Variants in PPP1R13B observed in about 807,000 individuals in gnomAD.
PPP1R13B encodes the protein protein phosphatase 1 regulatory subunit 13B, also known as apoptosis-stimulating of p53 protein 1.
A neutral mutation model predicts 119.8 loss-of-function variants in PPP1R13B; 44 were observed. The observed-to-expected ratio is 0.37, with a 90% confidence interval of 0.29 to 0.47. The LOEUF is 0.47. PPP1R13B is among the 20% of genes least tolerant of loss of function. The probability of loss-of-function intolerance (pLI) is 0.99; values close to 1 mark genes in which losing one functional copy is unlikely to be tolerated. For synonymous variants in PPP1R13B, 542 were observed against 561.5 expected (o/e 0.97, Z 0.49); for missense variants, 1,227 against 1,413.5 (o/e 0.87, Z 2.12).
intron 8 of PPP1R13B, 120 bp from the exon 9 acceptor site, chr14:103,746,673 GC>G: frequency 1.2e-6 from 1 of 832,740 alleles, no homozygotes; most frequent in Non-Finnish European, 1.8e-6. Context: ...TTTTTAGGAA[GC>G]CTGTCATCTG....
In PPP1R13B at chr14:103,819,731, GTCCCCAGAGC is replaced by G. The variant is rs2086363452; in HGVS notation, c.10-22223_10-22214del. ...AAAGCCTACCACACCTGCTGCCAAG[GTCCCCAGAGC>G]TCCCCTGTTTCTGCCCCATCTGAAG... On this transcript the variant is annotated intron_variant, in intron 1 of 16. Coordinates refer to ENST00000202556, the MANE Select transcript of PPP1R13B (RefSeq NM_015316.3). Among the ~76,000 whole-genome samples the G allele has an allele frequency of 2.7e-5, 4 of 149,098 alleles. No homozygotes were observed. In the South Asian group the frequency reaches 8.5e-4, roughly 32 times the overall value.
intron 1 of PPP1R13B, among the ~76,000 whole-genome samples, chr14:103,797,784 T>C (rs1324328097): frequency 1.3e-5 from 2 of 151,958 alleles, no homozygotes; most frequent in East Asian, 3.9e-4. Flanking sequence ...GCAGTAGATA[T>C]ATATATAGAT....
chr14:103,783,108 GT>G (rs1396082134), intron 3 of PPP1R13B, among the ~76,000 whole-genome samples: 3 of 151,142 alleles, frequency 2.0e-5, no homozygotes, highest in Admixed American at 6.6e-5. Context: ...GCCTAGCCAA[GT>G]TTTTTTCCTA....
chr14:103,792,811 C>T lies in PPP1R13B; in HGVS notation c.157+4560G>A, dbSNP rs560999162. 9.2e-5 allele frequency among the ~76,000 whole-genome samples: 14 copies of T among 152,172 alleles called. No individual in the cohort carries two copies. The South Asian group carries it at 1.9e-3, about 20-fold the overall frequency. On this transcript the variant is annotated intron_variant, in intron 2 of 16. Coordinates refer to ENST00000202556, the MANE Select transcript of PPP1R13B (RefSeq NM_015316.3). ...AGAGGCTGGGTGCAGTGGCTCATGC[C>T]TGTAATCCCAGCACTTTGGGAGGCC... is the stretch of plus-strand genomic sequence containing the variant.
At chr14:103,833,586 T>A (rs1459603605) in intron 1 of PPP1R13B, among the ~76,000 whole-genome samples, 1 of 152,044 alleles carries the variant, frequency 6.6e-6, no homozygotes, top group Non-Finnish European at 1.5e-5. Flanking sequence ...GAGGTTACAG[T>A]GAGACAAGAT....
At chr14:103,765,437 ACTC>A (rs1359575914) in intron 4 of PPP1R13B, among the ~76,000 whole-genome samples, 1 of 150,438 alleles carries the variant, frequency 6.6e-6, no homozygotes, top group Admixed American at 6.6e-5. Flanking sequence ...TCTCCACCAA[ACTC>A]CTCTCTCTCC....
At chr14:103,789,467 C>A (rs1288570630) in intron 2 of PPP1R13B, among the ~76,000 whole-genome samples, 1 of 152,114 alleles carries the variant, frequency 6.6e-6, no homozygotes, top group Non-Finnish European at 1.5e-5. Flanking sequence ...CTCCCCACCT[C>A]AGCCTCCCAA....
Position 103,754,151 on chromosome 14 carries a change from C to T in PPP1R13B, c.550G>A (p.Glu184Lys). 1 of 1,614,064 alleles carries T rather than the reference C, an allele frequency of 6.2e-7. No homozygotes were observed. Among genetic ancestry groups the T allele is most frequent in the Non-Finnish European group, 8.5e-7 (1 of 1,180,024 alleles). The part of the protein sequence containing the change: ...EKLQKLKERV[E>K]AQENKLKKIR... ...TTCTTCAGCTTGTTCTCCTGGGCTT[C>T]AACTCGTTCTTTCAATTTCTGAAGC... Residue 184 changes from glutamate to lysine, a missense_variant, in exon 6 of 17, where the codon GAA becomes AAA. Glu to Lys is a moderately conservative substitution (Grantham distance 56, BLOSUM62 1). Transcript: ENST00000202556.
At chr14:103,766,516 C>T (rs2084942962) in intron 4 of PPP1R13B, among the ~76,000 whole-genome samples, 3 of 152,154 alleles carry the variant, frequency 2.0e-5, no homozygotes, top group Admixed American at 2.0e-4. Context: ...CGTGGTTGCT[C>T]CTAATCAACA....
At chr14:103,741,698 G>A (rs940935586) in intron 11 of PPP1R13B, 92 bp downstream of exon 11, 99 of 1,426,502 alleles carry the variant, frequency 6.9e-5, no homozygotes, top group Non-Finnish European at 8.5e-5. Context: ...TAAATAGCAC[G>A]TGGCCCAAAC....
chr14:103,836,733 G>A (rs1311246710), intron 1 of PPP1R13B, among the ~76,000 whole-genome samples: 3 of 148,350 alleles, frequency 2.0e-5, no homozygotes, highest in Admixed American at 1.4e-4. Context: ...TAGCGCCATC[G>A]CACTCCAGCC....
chr14:103,748,724 G>A (rs2084462384), intron 8 of PPP1R13B, among the ~76,000 whole-genome samples: 1 of 152,170 alleles, frequency 6.6e-6, no homozygotes, highest in South Asian at 2.1e-4. Context: ...GCGGCTCAGT[G>A]GTACATGTGC....
At chr14:103,839,471 T>C (rs1239384081) in intron 1 of PPP1R13B, among the ~76,000 whole-genome samples, 11 of 151,736 alleles carry the variant, frequency 7.2e-5, no homozygotes, top group Admixed American at 7.2e-4. Context: ...CCACTAAAAA[T>C]ACAAAATTAG....
intron 4 of PPP1R13B, among the ~76,000 whole-genome samples, chr14:103,778,357 G>C (rs1040595899): frequency 6.7e-6 from 1 of 149,224 alleles, no homozygotes; most frequent in South Asian, 2.1e-4. Flanking sequence ...TGCCTCCCGG[G>C]TTCCAGCAAT....
chr14:103,757,641 A>G lies in PPP1R13B; in HGVS notation c.456+9T>C, dbSNP rs1405325457. The G allele has an allele frequency of 6.2e-7, 1 of 1,612,514 alleles. No individual in the cohort carries two copies. The highest frequency in any genetic ancestry group is 2.2e-5 in the East Asian group (1 of 44,860). On this transcript the variant is annotated intron_variant, in intron 5 of 16. Coordinates refer to ENST00000202556, the MANE Select transcript of PPP1R13B (RefSeq NM_015316.3). ...GAACAATGTTTCAATACCTCTTTTT[A>G]TAACTTACCTTGGCAACCAACATCT... is the stretch of plus-strand genomic sequence containing the variant.
rs368515358 is a variant in PPP1R13B at position 103,751,239 on chromosome 14, A to C, written c.829-1305T>G. On this transcript the variant is annotated intron_variant, in intron 7 of 16. Coordinates refer to ENST00000202556, the MANE Select transcript of PPP1R13B (RefSeq NM_015316.3). ...GAAATAAATGACATCCTTATATTAC[A>C]CTCATCACATTTCACCAAAAAATCC... Among the ~76,000 whole-genome samples the C allele has an allele frequency of 3.9e-5, 6 of 152,318 alleles. No homozygotes were observed. In the South Asian group the frequency reaches 6.2e-4, roughly 16 times the overall value.
At chr14:103,794,755 C>T in intron 2 of PPP1R13B, 2 of 308,340 alleles carry the variant, frequency 6.5e-6, no homozygotes, top group South Asian at 5.6e-5. Context: ...TGATGGCATC[C>T]ACTGGAAGTT....
chr14:103,791,581 C>A (rs1455829147), intron 2 of PPP1R13B, among the ~76,000 whole-genome samples: 2 of 152,096 alleles, frequency 1.3e-5, no homozygotes, highest in African/African-American at 4.8e-5. Flanking sequence ...AAAACTTAGC[C>A]AGGCGTGGTG....
chr14:103,774,864 G>T (rs2085151001), intron 4 of PPP1R13B, among the ~76,000 whole-genome samples: 1 of 152,184 alleles, frequency 6.6e-6, no homozygotes, highest in Non-Finnish European at 1.5e-5. Flanking sequence ...AAAGGTAGAT[G>T]TGTAAGCCAT....
Sources: allele counts gnomAD v4.1 joint callset (sites outside exome capture counted in the v4.1 genomes callset), GRCh38; gene constraint gnomAD v4.1.1; transcripts MANE v1.5; gene names NCBI Gene and HGNC (gene_info 2026-07-23, HGNC 2026-07-21).